Variants in TBC1D19 observed in about 807,000 individuals in gnomAD.
TBC1D19 encodes TBC1 domain family member 19, also known as TBC1 domain family, member 19.
TBC1D19 carries 60 observed loss-of-function variants against 89.0 expected under a neutral mutation model. That is an observed-to-expected ratio of 0.67 (90% CI 0.55 to 0.84). TBC1D19 has a LOEUF of 0.84. TBC1D19 is among the 40% of genes least tolerant of loss of function. The probability of loss-of-function intolerance (pLI) is 0.00; values close to 1 mark genes in which losing one functional copy is unlikely to be tolerated. For missense variants in TBC1D19, 500 were observed against 610.8 expected, an observed-to-expected ratio of 0.82 and a Z score of 1.91; for synonymous variants, 189 against 199.7, an observed-to-expected ratio of 0.95 and a Z score of 0.45.
intron 13 of TBC1D19, among the ~76,000 whole-genome samples, chr4:26,689,909 G>C (rs1295772884): frequency 1.3e-5 from 2 of 152,186 alleles, no homozygotes; most frequent in African/African-American, 4.8e-5. Context: ...TCAAAAGCTA[G>C]AAATGATTAT....
At chr4:26,801,514 C>G in the TBC1D19 span, among the ~76,000 whole-genome samples, 2 of 152,078 alleles carry the variant, frequency 1.3e-5, no homozygotes, top group African/African-American at 4.8e-5. Context: ...TCCATATGAA[C>G]TTTGAAGTAG....
At chr4:26,671,845 T>C (rs1560462074) in intron 9 of TBC1D19, among the ~76,000 whole-genome samples, 1 of 151,884 alleles carries the variant, frequency 6.6e-6, no homozygotes. Flanking sequence ...TTTTGTTTGA[T>C]TAAATGCTCA....
At chr4:26,627,437 T>C (rs1472209612) in intron 4 of TBC1D19, among the ~76,000 whole-genome samples, 1 of 152,148 alleles carries the variant, frequency 6.6e-6, no homozygotes, top group Admixed American at 6.6e-5. Context: ...ATGGTATTTC[T>C]AGTTCTAGAA....
chr4:26,826,461 G>T, the TBC1D19 span, among the ~76,000 whole-genome samples: 1 of 151,982 alleles, frequency 6.6e-6, no homozygotes, highest in African/African-American at 2.4e-5. Flanking sequence ...TTAGAGGGGG[G>T]AAAAATAAGT....
At chr4:26,608,582 G>A (rs1057034096) in intron 1 of TBC1D19, among the ~76,000 whole-genome samples, 2 of 152,060 alleles carry the variant, frequency 1.3e-5, no homozygotes, top group East Asian at 3.9e-4. Flanking sequence ...AGGAGGTATA[G>A]CAACCTTAAA....
At chr4:26,667,583 A>G (rs907410732) in intron 9 of TBC1D19, among the ~76,000 whole-genome samples, 3 of 152,062 alleles carry the variant, frequency 2.0e-5, no homozygotes, top group Non-Finnish European at 4.4e-5. Context: ...ACATTTATTT[A>G]TCTATTCTAC....
chr4:26,757,040 G>A (rs1025681889), downstream of TBC1D19, among the ~76,000 whole-genome samples: 1 of 150,312 alleles, frequency 6.7e-6, no homozygotes, highest in African/African-American at 2.5e-5. Flanking sequence ...TTTTGACGCA[G>A]TCTGGCTCTG....
chr4:26,821,232 A>G, the TBC1D19 span, among the ~76,000 whole-genome samples: 157 of 152,288 alleles, frequency 1.0e-3, no homozygotes, highest in African/African-American at 3.4e-3. Flanking sequence ...TTCCCCATGA[A>G]ACAGAATTTT....
intron 19 of TBC1D19, among the ~76,000 whole-genome samples, chr4:26,752,141 T>G (rs1284600299): frequency 6.6e-6 from 1 of 152,194 alleles, no homozygotes; most frequent in East Asian, 1.9e-4. Flanking sequence ...TGAGAATGAC[T>G]TATTCTCTTT....
intron 13 of TBC1D19, among the ~76,000 whole-genome samples, chr4:26,716,477 A>T (rs1204372801): frequency 6.6e-6 from 1 of 152,154 alleles, no homozygotes; most frequent in Non-Finnish European, 1.5e-5. Context: ...TTAAATAACT[A>T]AAGGCGTACA....
chr4:26,769,064 G>A, the TBC1D19 span, among the ~76,000 whole-genome samples: 1 of 151,988 alleles, frequency 6.6e-6, no homozygotes, highest in Non-Finnish European at 1.5e-5. Context: ...AGCAGCCCAA[G>A]AAGTCCTGTC....
chr4:26,837,971 A>C, the TBC1D19 span, among the ~76,000 whole-genome samples: 4 of 152,196 alleles, frequency 2.6e-5, no homozygotes, highest in African/African-American at 9.7e-5. Context: ...GTTAAGGAGA[A>C]TAAAGGTTGA....
chr4:26,789,234 A>G, the TBC1D19 span, among the ~76,000 whole-genome samples: 39 of 152,334 alleles, frequency 2.6e-4, no homozygotes, highest in African/African-American at 8.7e-4. Flanking sequence ...GTAAGTGCCA[A>G]TTAAAACCAA....
At chr4:26,810,857 G>A in the TBC1D19 span, among the ~76,000 whole-genome samples, 1 of 152,174 alleles carries the variant, frequency 6.6e-6, no homozygotes, top group Non-Finnish European at 1.5e-5. Flanking sequence ...ACTACATGGG[G>A]TAGGTTTTTA....
intron 18 of TBC1D19, 77 bp downstream of exon 18, chr4:26,742,676 C>A: frequency 9.6e-7 from 1 of 1,045,340 alleles, no homozygotes; most frequent in Non-Finnish European, 1.4e-6. Context: ...AGAGCACTTG[C>A]AAATACGTAA....
chr4:26,715,107 T>C (rs1056077106), intron 13 of TBC1D19, among the ~76,000 whole-genome samples: 4 of 152,088 alleles, frequency 2.6e-5, no homozygotes, highest in Non-Finnish European at 4.4e-5. Flanking sequence ...TAAACTTTTC[T>C]TCTATACTCC....
the TBC1D19 span, among the ~76,000 whole-genome samples, chr4:26,800,931 C>CA: frequency 6.6e-6 from 1 of 152,134 alleles, no homozygotes; most frequent in Non-Finnish European, 1.5e-5. Context: ...GAGTAGAATG[C>CA]AAAAAATTTC....
At position 26,717,938 on chromosome 4, in the gene TBC1D19, A is replaced by T; in HGVS notation, c.960A>T (p.Leu320Phe). The T allele has an allele frequency of 6.2e-7, 1 of 1,611,188 alleles. No homozygotes were observed. The highest frequency in any genetic ancestry group is 8.5e-7 in the Non-Finnish European group (1 of 1,178,270). Reference protein sequence around the residue: ...FVFEDYLYQVLLCFSRDTSVL... With the variant: ...FVFEDYLYQVFLCFSRDTSVL... ...TTTTCCAATGTTATATTCAGGTATT[A>T]CTTTGTTTTTCCCGGGATACATCTG... The change falls in exon 14 of 21, where the codon TTA (leucine) becomes TTT (phenylalanine). Residue 320 changes from leucine to phenylalanine, a missense_variant. Physicochemically the swap from Leu to Phe is conservative, Grantham distance 22. Transcript: ENST00000264866.
the TBC1D19 span, among the ~76,000 whole-genome samples, chr4:26,829,485 C>T: frequency 1.3e-5 from 2 of 152,170 alleles, no homozygotes; most frequent in African/African-American, 2.4e-5. Flanking sequence ...TTCTTTAACT[C>T]CTATTTCAGG....
Sources: allele counts gnomAD v4.1 joint callset (sites outside exome capture counted in the v4.1 genomes callset), GRCh38; gene constraint gnomAD v4.1.1; transcripts MANE v1.5; gene names NCBI Gene and HGNC (gene_info 2026-07-23, HGNC 2026-07-21).